ACACA: variants seen among roughly 807,000 people sequenced by gnomAD.
The protein encoded by ACACA is acetyl-CoA carboxylase alpha.
A neutral mutation model predicts 296.1 loss-of-function variants in ACACA; 103 were observed. The ratio of observed to expected loss-of-function variants is 0.35; its 90% CI spans 0.30 to 0.41. The LOEUF is 0.41. Among genes scored for constraint, ACACA ranks in the 10% least tolerant of loss-of-function variants. ACACA has a pLI of 1.00. For synonymous variants in ACACA, 953 were observed against 1,038.6 expected (o/e 0.92, Z 1.58); for missense variants, 1,554 against 2,989.7 (o/e 0.52, Z 11.20).
At chr17:37,242,925 C>T (rs140901310) in intron 22 of ACACA, among the ~76,000 whole-genome samples, 1,742 of 152,156 alleles carry the variant, frequency 0.011, 38 homozygotes, top group African/African-American at 0.038. Context: ...ATCCCAGCTA[C>T]TCAGGAGGCT....
chr17:37,242,714 G>C (rs953926195), intron 22 of ACACA, among the ~76,000 whole-genome samples: 2 of 151,194 alleles, frequency 1.3e-5, no homozygotes, highest in African/African-American at 4.9e-5. Flanking sequence ...CTTGGCGACA[G>C]AGCAAGACCC....
At chr17:37,091,167 A>G (rs1277798415) in intron 54 of ACACA, among the ~76,000 whole-genome samples, 9 of 152,194 alleles carry the variant, frequency 5.9e-5, no homozygotes, top group Non-Finnish European at 1.3e-4. Context: ...CAGACACTAC[A>G]CTGGAAAGCC....
rs1026072910 is a variant in ACACA at position 37,206,777 on chromosome 17, T to G, written c.3948+6A>C. On this transcript the variant is annotated splice_donor_region_variant and intron_variant, in intron 32 of 55. Transcript: ENST00000616317. The stretch of plus-strand genomic sequence containing the variant: ...ACAAAGCAGTCTCCCAAAAGGGACA[T>G]TATACCTTATCCTCATCATAAAGAG... The G allele has an allele frequency of 4.4e-6, 7 of 1,596,338 alleles. No individual in the cohort carries two copies. In the African/African-American group the frequency reaches 5.4e-5, roughly 12 times the overall value.
chr17:37,291,252 C>T (rs1283324270), intron 3 of ACACA, among the ~76,000 whole-genome samples: 2 of 151,478 alleles, frequency 1.3e-5, no homozygotes, highest in Non-Finnish European at 2.9e-5. Context: ...CTCAGCTCAC[C>T]GCAACCTCCA....
intron 45 of ACACA, chr17:37,141,520 G>T (rs7224720): frequency 0.013 from 2,768 of 218,784 alleles, 87 homozygotes; most frequent in African/African-American, 0.061. Context: ...CTCCTTCCTT[G>T]GCCTCCCAAA....
At chr17:37,298,253 T>C (rs986529225) in intron 3 of ACACA, among the ~76,000 whole-genome samples, 1 of 152,204 alleles carries the variant, frequency 6.6e-6, no homozygotes. Flanking sequence ...AAAAAAGGAA[T>C]GGAAAAGGAT....
At chr17:37,127,010 G>A (rs975642469) in intron 47 of ACACA, among the ~76,000 whole-genome samples, 15 of 152,140 alleles carry the variant, frequency 9.9e-5, no homozygotes, top group Non-Finnish European at 1.9e-4. Flanking sequence ...GAAGTCACTC[G>A]ATTTGGGAGC....
Position 37,226,406 on chromosome 17 carries a change from T to A in ACACA, c.3293A>T (p.Asn1098Ile), listed in dbSNP as rs779195999. The change falls in exon 26 of 56, where the codon AAT becomes ATT. Residue 1098 changes from asparagine to isoleucine, a missense_variant. Transcript: ENST00000616317. ...GAGTTGAGTTAGCTCTGTGAGAATA[T>A]TCAGCAGCTCATCAGTGAGAGTAGG... The part of the protein sequence containing the change: ...RDPTLTDELL[N>I]ILTELTQLSK... 2.5e-6 allele frequency: 4 copies of A among 1,614,050 alleles called. No homozygotes were observed. In the African/African-American group the frequency reaches 5.3e-5, roughly 22 times the overall value.
chr17:37,292,088 T>C (rs1429218096), intron 3 of ACACA, among the ~76,000 whole-genome samples: 1 of 152,090 alleles, frequency 6.6e-6, no homozygotes. Flanking sequence ...CTTGCGGAAA[T>C]GTGTTACCTG....
At chr17:37,308,811 C>A (rs776775708) in intron 3 of ACACA, among the ~76,000 whole-genome samples, 1 of 151,986 alleles carries the variant, frequency 6.6e-6, no homozygotes, top group Non-Finnish European at 1.5e-5. Context: ...GTGGTGCACG[C>A]CTGTAATCCT....
At chr17:37,319,211 T>C (rs2047232306) in intron 3 of ACACA, among the ~76,000 whole-genome samples, 1 of 152,140 alleles carries the variant, frequency 6.6e-6, no homozygotes, top group African/African-American at 2.4e-5. Flanking sequence ...ACACAATTTG[T>C]GGATTGGATA....
At chr17:37,363,030 G>A (rs1163617112) in intron 1 of ACACA, among the ~76,000 whole-genome samples, 1 of 143,398 alleles carries the variant, frequency 7.0e-6, no homozygotes, top group Middle Eastern at 3.6e-3. Context: ...CAGATTCCCA[G>A]CCCTTTTTTT....
At chr17:37,153,624 ATTAT>A (rs1434620882) in intron 43 of ACACA, among the ~76,000 whole-genome samples, 1 of 152,228 alleles carries the variant, frequency 6.6e-6, no homozygotes, top group Non-Finnish European at 1.5e-5. Flanking sequence ...AGAAACTGTA[ATTAT>A]TTAAGAATAA....
In ACACA at chr17:37,200,414, C is replaced by T. The variant is rs781681675; in HGVS notation, c.4113+13G>A. The T allele has an allele frequency of 6.2e-7, 1 of 1,600,226 alleles. No homozygotes were observed. Among genetic ancestry groups the T allele is most frequent in the Admixed American group, 1.7e-5 (1 of 60,010 alleles). On this transcript the variant is annotated intron_variant, in intron 34 of 55. Coordinates refer to ENST00000616317, the MANE Select transcript of ACACA (RefSeq NM_198834.3). ...TAAGAAATATTAAAGAGGTACAATT[C>T]ACATGTCAGTACCTTTTGTGCAACC...
chr17:37,250,860 A>T (rs2080956164), intron 16 of ACACA, among the ~76,000 whole-genome samples: 1 of 150,818 alleles, frequency 6.6e-6, no homozygotes. Context: ...CCTGTCTCTA[A>T]TAAAAATACA....
At chr17:37,340,058 TTTAAGAAAATA>T (rs1192050600) in intron 1 of ACACA, among the ~76,000 whole-genome samples, 20 of 152,314 alleles carry the variant, frequency 1.3e-4, no homozygotes, top group African/African-American at 4.8e-4. Context: ...AAGACTATTG[TTTAAGAAAATA>T]TTAAACAATA....
At chr17:37,301,356 AAC>A in intron 3 of ACACA, 3 of 984,930 alleles carry the variant, frequency 3.0e-6, no homozygotes, top group Non-Finnish European at 3.6e-6. Flanking sequence ...ATCTACCATG[AAC>A]AGTGTCCAAC....
intron 11 of ACACA, among the ~76,000 whole-genome samples, chr17:37,261,568 A>G (rs2081515895): frequency 6.6e-6 from 1 of 152,258 alleles, no homozygotes; most frequent in East Asian, 1.9e-4. Flanking sequence ...GTTCTGCCAA[A>G]GAAGGCATAG....
chr17:37,156,567 C>T (rs1029687034), intron 42 of ACACA, among the ~76,000 whole-genome samples: 12 of 152,332 alleles, frequency 7.9e-5, no homozygotes, highest in African/African-American at 2.9e-4. Context: ...GAAGTCTACA[C>T]AGTGCTAATA....
Sources: gnomAD v4.1 joint callset for allele counts (sites outside exome capture counted in the v4.1 genomes callset) on GRCh38, gnomAD v4.1.1 for gene constraint, MANE v1.5 for transcripts, NCBI Gene and HGNC (gene_info 2026-07-23, HGNC 2026-07-21) for gene names.